ZNF407: variants seen among roughly 807,000 people sequenced by gnomAD.
The protein encoded by ZNF407 is zinc finger protein 407.
Under a neutral mutation model 131.2 loss-of-function variants are expected in ZNF407, and 17 were observed. The ratio of observed to expected loss-of-function variants is 0.13; its 90% CI spans 0.09 to 0.19. The LOEUF is 0.19. Ranked by LOEUF, ZNF407 falls within the 10% of genes least tolerant of loss-of-function variation. The pLI, the probability that ZNF407 is intolerant of heterozygous loss-of-function variation, is 1.00. For synonymous variants in ZNF407, 1,156 were observed against 1,062.0 expected (o/e 1.09, Z -1.72); for missense variants, 2,681 against 2,830.6 (o/e 0.95, Z 1.20).
intron 7 of ZNF407, among the ~76,000 whole-genome samples, chr18:74,898,890 T>C (rs1335919565): frequency 1.3e-5 from 2 of 152,228 alleles, no homozygotes; most frequent in African/African-American, 4.8e-5. Context: ...GGGGGAAAAG[T>C]GGTTGACATT....
At chr18:74,862,430 AAAATT>A (rs1381825994) in intron 4 of ZNF407, among the ~76,000 whole-genome samples, 4 of 152,244 alleles carry the variant, frequency 2.6e-5, no homozygotes, top group African/African-American at 9.6e-5. Flanking sequence ...GAAATAAAAA[AAAATT>A]AAATCATACA....
intron 1 of ZNF407, among the ~76,000 whole-genome samples, chr18:74,622,924 C>G (rs755100999): frequency 1.3e-5 from 2 of 151,474 alleles, no homozygotes; most frequent in Non-Finnish European, 2.9e-5. Flanking sequence ...ATGTCAGTAT[C>G]TGTGAATGTG....
At chr18:74,959,540 T>C (rs1972314998) in intron 8 of ZNF407, among the ~76,000 whole-genome samples, 1 of 152,196 alleles carries the variant, frequency 6.6e-6, no homozygotes, top group African/African-American at 2.4e-5. Flanking sequence ...CTGTTGAGGT[T>C]GTGTTTCTAT....
intron 8 of ZNF407, among the ~76,000 whole-genome samples, chr18:75,031,505 C>T (rs1373688046): frequency 3.3e-5 from 5 of 152,098 alleles, no homozygotes; most frequent in South Asian, 2.1e-4. Flanking sequence ...TGCTAGTTTG[C>T]GTTAGACAGA....
At chr18:74,653,051 T>G (rs1985298298) in intron 3 of ZNF407, among the ~76,000 whole-genome samples, 1 of 152,008 alleles carries the variant, frequency 6.6e-6, no homozygotes, top group South Asian at 2.1e-4. Flanking sequence ...CCACACCCTA[T>G]GTTCTGTATT....
rs183429872 is a variant in ZNF407, at chr18:74,856,837, A to G, written c.4878-20360A>G. On this transcript the variant is annotated intron_variant, in intron 4 of 8. Coordinates refer to ENST00000299687, the MANE Select transcript of ZNF407 (RefSeq NM_017757.3). ...TTTTTCATCTGATGTCAGGCTTCTG[A>G]TTTATGAATAGCCCATGATCTAAGG... Among the ~76,000 whole-genome samples, 46 of 152,338 alleles carry G rather than the reference A, an allele frequency of 3.0e-4. No homozygotes were observed. The East Asian group carries it at 6.9e-3, about 23-fold the overall frequency.
chr18:74,935,302 A>G (rs186229926), intron 8 of ZNF407, among the ~76,000 whole-genome samples: 1 of 152,334 alleles, frequency 6.6e-6, no homozygotes, highest in Non-Finnish European at 1.5e-5. Flanking sequence ...TCTCAGTCCC[A>G]TAGTTTGACA....
chr18:74,692,099 A>T (rs1262970909), intron 3 of ZNF407, among the ~76,000 whole-genome samples: 3 of 152,084 alleles, frequency 2.0e-5, no homozygotes, highest in African/African-American at 7.2e-5. Context: ...GTCTCAAAAA[A>T]ATAAAAAATG....
At chr18:74,639,749 T>C (rs1042980459) in intron 2 of ZNF407, among the ~76,000 whole-genome samples, 2 of 152,238 alleles carry the variant, frequency 1.3e-5, no homozygotes, top group Admixed American at 1.3e-4. Context: ...TGTTGACTTT[T>C]TTATTTCTGT....
At chr18:74,721,041 G>A (rs1968023584) in intron 3 of ZNF407, among the ~76,000 whole-genome samples, 1 of 151,466 alleles carries the variant, frequency 6.6e-6, no homozygotes, top group Admixed American at 6.6e-5. Context: ...AATGTCGTTG[G>A]TATTTTGATA....
intron 1 of ZNF407, among the ~76,000 whole-genome samples, chr18:74,628,496 C>T (rs1422918643): frequency 6.6e-6 from 1 of 152,180 alleles, no homozygotes; most frequent in Non-Finnish European, 1.5e-5. Context: ...TAAAAAGGAA[C>T]CATATAGTAC....
intron 3 of ZNF407, among the ~76,000 whole-genome samples, chr18:74,719,977 G>C (rs565421861): frequency 2.0e-5 from 3 of 152,200 alleles, no homozygotes; most frequent in South Asian, 2.1e-4. Flanking sequence ...ATGTCTCTTT[G>C]TTAAATGCTA....
intron 3 of ZNF407, among the ~76,000 whole-genome samples, chr18:74,658,848 A>C (rs907181685): frequency 6.6e-6 from 1 of 152,200 alleles, no homozygotes. Flanking sequence ...ACTTTGGCTT[A>C]AATATCCGTA....
At position 75,030,176 on chromosome 18, in the gene ZNF407, C is replaced by T. The variant is rs375152837; in HGVS notation, c.5429-32974C>T. Reference sequence around the variant, plus strand: ...TGATCATACCAAGTTTATTCATCTGCCTGAATTGTGAATCTTCACATTGGA... The same window carrying T: ...TGATCATACCAAGTTTATTCATCTGTCTGAATTGTGAATCTTCACATTGGA... On this transcript the variant is annotated intron_variant, in intron 8 of 8. Coordinates refer to ENST00000299687, the MANE Select transcript of ZNF407 (RefSeq NM_017757.3). 6.3e-4 allele frequency among the ~76,000 whole-genome samples: 96 copies of T among 152,178 alleles called. 3 individuals carry two copies. The South Asian group carries it at 0.018, about 29-fold the overall frequency.
At chr18:74,714,795 T>A (rs766214084) in intron 3 of ZNF407, among the ~76,000 whole-genome samples, 1 of 152,222 alleles carries the variant, frequency 6.6e-6, no homozygotes, top group Non-Finnish European at 1.5e-5. Flanking sequence ...TGAAGTGTTT[T>A]TTTACAATGC....
chr18:74,852,062 G>T (rs947611584), intron 4 of ZNF407, among the ~76,000 whole-genome samples: 3 of 152,102 alleles, frequency 2.0e-5, no homozygotes, highest in Non-Finnish European at 4.4e-5. Context: ...ATTGTCACGG[G>T]AGCATGGACA....
At chr18:74,789,217 G>A (rs568357214) in intron 4 of ZNF407, among the ~76,000 whole-genome samples, 3 of 152,256 alleles carry the variant, frequency 2.0e-5, no homozygotes, top group South Asian at 4.1e-4. Context: ...GAGTGGTTAG[G>A]AAAGTCCCTC....
chr18:74,627,192 C>G (rs1428515450), intron 1 of ZNF407, among the ~76,000 whole-genome samples: 1 of 152,062 alleles, frequency 6.6e-6, no homozygotes, highest in Admixed American at 6.5e-5. Flanking sequence ...TAAATCCAGT[C>G]CCTGTGATCT....
chr18:74,770,444 A>G (rs913169505), intron 3 of ZNF407, among the ~76,000 whole-genome samples: 1 of 152,160 alleles, frequency 6.6e-6, no homozygotes, highest in Non-Finnish European at 1.5e-5. Context: ...AAAACAAACA[A>G]AAGCTACAGA....
Sources: gnomAD v4.1 joint callset for allele counts (sites outside exome capture counted in the v4.1 genomes callset) on GRCh38, gnomAD v4.1.1 for gene constraint, MANE v1.5 for transcripts, NCBI Gene and HGNC (gene_info 2026-07-23, HGNC 2026-07-21) for gene names.